AFF3: variants seen among roughly 807,000 people sequenced by gnomAD.
The protein encoded by AFF3 is AF4/FMR2 family member 3.
In AFF3, 32 loss-of-function variants were observed where a neutral mutation model predicts 129.7. The observed-to-expected ratio is 0.25, with a 90% CI of 0.19 to 0.33. The LOEUF (loss-of-function observed/expected upper bound fraction) is 0.33, where lower values mean the gene tolerates loss of function less well. Among genes scored for constraint, AFF3 ranks in the 10% least tolerant of loss-of-function variants. AFF3 has a pLI of 1.00. For synonymous variants in AFF3, 644 were observed against 635.4 expected, an observed-to-expected ratio of 1.01 and a Z score of -0.20; for missense variants, 1,373 against 1,592.0, an observed-to-expected ratio of 0.86 and a Z score of 2.34.
At chr2:99,858,305 G>A (rs55645782) in intron 7 of AFF3, among the ~76,000 whole-genome samples, 21,696 of 151,650 alleles carry the variant, frequency 0.14, 1,742 homozygotes, top group Admixed American at 0.23. Flanking sequence ...CAGCACTTTG[G>A]GAGGCTGAGG....
At chr2:99,738,802 TGTAAGCCCAA>T (rs1680465143) in intron 10 of AFF3, among the ~76,000 whole-genome samples, 2 of 152,072 alleles carry the variant, frequency 1.3e-5, no homozygotes, top group South Asian at 4.1e-4. Flanking sequence ...CCAGGCAAGC[TGTAAGCCCAA>T]GCCCTTCCTC....
chr2:99,859,053 G>A lies in AFF3; in HGVS notation c.874-21529C>T, dbSNP rs905538164. Among the ~76,000 whole-genome samples, 3 of 152,192 alleles carry A rather than the reference G, an allele frequency of 2.0e-5. No individual in the cohort carries two copies. In the South Asian group the frequency reaches 6.2e-4, roughly 31 times the overall value. On this transcript the variant is annotated intron_variant, in intron 7 of 24. Coordinates refer to ENST00000672756, the MANE Select transcript of AFF3 (RefSeq NM_001386135.1). ...GGTTAAATCACATTTTGGAAGAACT[G>A]CCAAAATAAAGCAGCTCCGCTTCTC... is the stretch of plus-strand genomic sequence containing the variant.
intron 4 of AFF3, among the ~76,000 whole-genome samples, chr2:100,021,141 G>A (rs914699295): frequency 2.0e-5 from 3 of 152,024 alleles, no homozygotes; most frequent in Non-Finnish European, 2.9e-5. Context: ...CCAAATCCCG[G>A]GGCCCTATAT....
intron 4 of AFF3, among the ~76,000 whole-genome samples, chr2:100,032,979 T>C (rs1684629352): frequency 6.6e-6 from 1 of 152,236 alleles, no homozygotes; most frequent in Non-Finnish European, 1.5e-5. Flanking sequence ...TTATTCTTTT[T>C]CAAGATTGGC....
At chr2:100,120,475 C>T (rs1236122703) in intron 2 of AFF3, among the ~76,000 whole-genome samples, 2 of 148,280 alleles carry the variant, frequency 1.3e-5, no homozygotes, top group Non-Finnish European at 3.0e-5. Context: ...AACCCCCACC[C>T]TCTGCCTTGT....
chr2:100,132,165 C>G (rs771170026), intron 1 of AFF3, among the ~76,000 whole-genome samples: 2 of 152,156 alleles, frequency 1.3e-5, no homozygotes, highest in Non-Finnish European at 2.9e-5. Flanking sequence ...GGAGATCCAT[C>G]GTACAGCATG....
intron 10 of AFF3, among the ~76,000 whole-genome samples, chr2:99,735,681 T>TG (rs1433781434): frequency 6.6e-6 from 1 of 152,078 alleles, no homozygotes; most frequent in African/African-American, 2.4e-5. Flanking sequence ...TTAGTAGAGA[T>TG]GGGGTTTCAC....
intron 18 of AFF3, 83 bp downstream of exon 18, chr2:99,578,244 C>CA (rs1246494177): frequency 6.8e-7 from 1 of 1,472,790 alleles, no homozygotes; most frequent in Non-Finnish European, 9.0e-7. Context: ...AAGGTGGCCA[C>CA]ACCAAGGTGC....
intron 4 of AFF3, among the ~76,000 whole-genome samples, chr2:100,012,586 C>G (rs1682649551): frequency 6.6e-6 from 1 of 152,200 alleles, no homozygotes. Context: ...CCACTAATTA[C>G]AAGTGAAAAT....
chr2:99,596,200 C>T (rs1275780149), intron 14 of AFF3, among the ~76,000 whole-genome samples: 1 of 152,144 alleles, frequency 6.6e-6, no homozygotes, highest in Non-Finnish European at 1.5e-5. Flanking sequence ...CTGAGTTCTG[C>T]GTAAATCATG....
chr2:99,775,669 C>G (rs568077560), intron 8 of AFF3, among the ~76,000 whole-genome samples: 3 of 151,850 alleles, frequency 2.0e-5, no homozygotes, highest in Admixed American at 2.0e-4. Context: ...TGCACATATA[C>G]CCCAGAACTT....
intron 14 of AFF3, among the ~76,000 whole-genome samples, 173 bp downstream of exon 14, chr2:99,601,262 G>A (rs1210349382): frequency 6.6e-6 from 1 of 152,236 alleles, no homozygotes; most frequent in African/African-American, 2.4e-5. Flanking sequence ...GAGACTGTGA[G>A]GAGGGGGAAA....
chr2:99,814,911 G>A (rs184753473), intron 8 of AFF3, among the ~76,000 whole-genome samples: 165 of 150,946 alleles, frequency 1.1e-3, no homozygotes, highest in African/African-American at 3.7e-3. Context: ...GTGCAGTGGC[G>A]TGATCTTGGC....
intron 10 of AFF3, among the ~76,000 whole-genome samples, chr2:99,733,420 A>AAC (rs1680003074): frequency 2.2e-5 from 3 of 137,742 alleles, no homozygotes; most frequent in African/African-American, 7.8e-5. Context: ...ACAACAACAA[A>AAC]ACTTTTCCCA....
chr2:99,820,870 C>CTT lies in AFF3; in HGVS notation c.921+16605_921+16606dup, dbSNP rs869085194. On this transcript the variant is annotated intron_variant, in intron 8 of 24. Transcript: ENST00000672756. The stretch of plus-strand genomic sequence containing the variant: ...AATATCACTGTCTTCTCCTCCACAT[C>CTT]TTTTTTTTTTTTTTTTTTTTTGGAT... 5.5e-3 allele frequency among the ~76,000 whole-genome samples: 555 copies of CTT among 101,686 alleles called. 30 individuals are homozygous for CTT. The highest frequency in any genetic ancestry group is 7.2e-3 in the Middle Eastern group (1 of 138). 66.7% of individuals were successfully genotyped at this position (101,686 alleles called of 152,430 possible). A position where few individuals can be genotyped will look rare whatever the true frequency, so the allele number is the denominator to read the frequency against.
intron 4 of AFF3, among the ~76,000 whole-genome samples, chr2:100,063,785 C>G (rs1687490660): frequency 6.6e-6 from 1 of 151,950 alleles, no homozygotes; most frequent in Admixed American, 6.6e-5. Flanking sequence ...ATATACTAAT[C>G]AGGGTAAATG....
intron 13 of AFF3, among the ~76,000 whole-genome samples, chr2:99,637,406 G>C (rs116353808): frequency 6.6e-6 from 1 of 152,174 alleles, no homozygotes; most frequent in South Asian, 2.1e-4. Context: ...AAACACATAC[G>C]GGCACTGAAA....
chr2:99,880,117 T>G (rs1447222269), intron 7 of AFF3, among the ~76,000 whole-genome samples: 7 of 152,232 alleles, frequency 4.6e-5, no homozygotes, highest in Admixed American at 4.6e-4. Context: ...GATTTTACTT[T>G]CCAAGGATTC....
intron 7 of AFF3, among the ~76,000 whole-genome samples, chr2:99,871,283 C>T (rs754901168): frequency 5.3e-5 from 8 of 152,150 alleles, no homozygotes; most frequent in African/African-American, 7.2e-5. Flanking sequence ...CCAAGCATTT[C>T]GGGTAAGGGA....
Sources: allele counts gnomAD v4.1 joint callset (sites outside exome capture counted in the v4.1 genomes callset), GRCh38; gene constraint gnomAD v4.1.1; transcripts MANE v1.5; gene names NCBI Gene and HGNC (gene_info 2026-07-23, HGNC 2026-07-21).